ADARB2: variants seen among roughly 807,000 people sequenced by gnomAD.
The protein encoded by ADARB2 is inactive double-stranded RNA-specific editase B2.
Under a neutral mutation model 62.2 loss-of-function variants are expected in ADARB2, and 25 were observed. The ratio of observed to expected loss-of-function variants is 0.40; its 90% CI spans 0.29 to 0.56. The LOEUF (loss-of-function observed/expected upper bound fraction) is 0.56. Among genes scored for constraint, ADARB2 ranks in the 20% least tolerant of loss-of-function variants. The pLI is 0.43. For missense variants in ADARB2, 1,071 were observed against 1,077.4 expected, an observed-to-expected ratio of 0.99 and a Z score of 0.08; for synonymous variants, 572 against 500.8, an observed-to-expected ratio of 1.14 and a Z score of -1.90.
At chr10:1,303,218 C>T (rs1296321403) in intron 3 of ADARB2, among the ~76,000 whole-genome samples, 2 of 151,950 alleles carry the variant, frequency 1.3e-5, no homozygotes, top group Non-Finnish European at 2.9e-5. Context: ...GGCTCGAGAA[C>T]TACGTGAAGA....
At chr10:1,569,948 T>C (rs1832912736) in intron 1 of ADARB2, among the ~76,000 whole-genome samples, 1 of 152,178 alleles carries the variant, frequency 6.6e-6, no homozygotes, top group South Asian at 2.1e-4. Flanking sequence ...ATAATTCACA[T>C]TGTTGGTCAC....
At chr10:1,519,903 T>C (rs897000561) in intron 1 of ADARB2, among the ~76,000 whole-genome samples, 8 of 152,182 alleles carry the variant, frequency 5.3e-5, no homozygotes, top group African/African-American at 1.9e-4. Context: ...ATTCAAATAA[T>C]TGCCATGTAG....
rs138983152 is a variant in ADARB2, at chr10:1,519,562, C to A, written c.101-140402G>T. 1.6e-3 allele frequency among the ~76,000 whole-genome samples: 250 copies of A among 152,310 alleles called. 1 individual carries two copies. The highest frequency in any genetic ancestry group is 4.7e-3 in the African/African-American group (195 of 41,558). On this transcript the variant is annotated intron_variant, in intron 1 of 9. Transcript: ENST00000381312. The stretch of plus-strand genomic sequence containing the variant: ...TGGGCCAGCAGAGAGCCATCATCCC[C>A]GGTGCCCTACTGTGGTTCAGGTGGT...
At chr10:1,538,739 T>A (rs1212965736) in intron 1 of ADARB2, among the ~76,000 whole-genome samples, 7 of 152,062 alleles carry the variant, frequency 4.6e-5, no homozygotes, top group African/African-American at 1.7e-4. Flanking sequence ...CGTCACAACG[T>A]CGGGGCCATG....
chr10:1,266,480 G>A (rs986569711), intron 4 of ADARB2, among the ~76,000 whole-genome samples: 7 of 140,184 alleles, frequency 5.0e-5, no homozygotes, highest in Non-Finnish European at 9.1e-5. Flanking sequence ...GGCCGGCTGG[G>A]ACCCCACCTC....
At chr10:1,350,913 A>T (rs78198898) in intron 3 of ADARB2, among the ~76,000 whole-genome samples, 1 of 152,182 alleles carries the variant, frequency 6.6e-6, no homozygotes, top group Non-Finnish European at 1.5e-5. Context: ...AATTCCTTGC[A>T]TCCACTGTGA....
At chr10:1,283,387 C>T (rs765004890) in intron 3 of ADARB2, among the ~76,000 whole-genome samples, 8 of 152,210 alleles carry the variant, frequency 5.3e-5, no homozygotes, top group South Asian at 2.1e-4. Context: ...AATTAAGGGG[C>T]TGCAATGATC....
At chr10:1,670,467 C>T (rs1834370633) in intron 1 of ADARB2, among the ~76,000 whole-genome samples, 1 of 152,208 alleles carries the variant, frequency 6.6e-6, no homozygotes, top group African/African-American at 2.4e-5. Context: ...TGGCTATTGG[C>T]TTCCCTTGAA....
At chr10:1,322,071 C>T (rs991241060) in intron 3 of ADARB2, among the ~76,000 whole-genome samples, 21 of 151,704 alleles carry the variant, frequency 1.4e-4, no homozygotes, top group Non-Finnish European at 2.9e-4. Flanking sequence ...CAGGAGACAC[C>T]AGTTGGTACC....
At chr10:1,521,797 C>A (rs919936155) in intron 1 of ADARB2, among the ~76,000 whole-genome samples, 1 of 113,712 alleles carries the variant, frequency 8.8e-6, no homozygotes, top group African/African-American at 3.4e-5. Context: ...CTACCCCCAA[C>A]CCCTTCCCTG....
At chr10:1,720,160 G>T (rs1835072211) in intron 1 of ADARB2, among the ~76,000 whole-genome samples, 1 of 152,184 alleles carries the variant, frequency 6.6e-6, no homozygotes, top group South Asian at 2.1e-4. Flanking sequence ...TAAAGAAAAT[G>T]AGGTCCACAT....
intron 3 of ADARB2, among the ~76,000 whole-genome samples, chr10:1,336,840 C>T (rs777392849): frequency 3.3e-5 from 5 of 152,162 alleles, no homozygotes; most frequent in South Asian, 4.2e-4. Context: ...TTTCCATCGT[C>T]GTTGGTGATT....
At chr10:1,420,728 C>T (rs965006822) in intron 1 of ADARB2, among the ~76,000 whole-genome samples, 2 of 152,030 alleles carry the variant, frequency 1.3e-5, no homozygotes. Flanking sequence ...AACACAGGCT[C>T]TGCACCCAGG....
At chr10:1,640,046 C>G (rs1038525557) in intron 1 of ADARB2, among the ~76,000 whole-genome samples, 11 of 152,120 alleles carry the variant, frequency 7.2e-5, no homozygotes, top group Non-Finnish European at 1.2e-4. Context: ...TCCCACAGCC[C>G]GTAAACACTG....
chr10:1,475,431 C>T (rs1362853529), intron 1 of ADARB2, among the ~76,000 whole-genome samples: 1 of 152,194 alleles, frequency 6.6e-6, no homozygotes, highest in African/African-American at 2.4e-5. Context: ...GCACATTACC[C>T]ATCCCGGGCC....
At chr10:1,672,429 C>T (rs536214614) in intron 1 of ADARB2, among the ~76,000 whole-genome samples, 1 of 152,138 alleles carries the variant, frequency 6.6e-6, no homozygotes, top group African/African-American at 2.4e-5. Context: ...AGACATACAC[C>T]CAAGCGGGCA....
chr10:1,681,636 T>G (rs1420169557), intron 1 of ADARB2, among the ~76,000 whole-genome samples: 1 of 152,184 alleles, frequency 6.6e-6, no homozygotes. Context: ...CATGGTCCTG[T>G]GGTTTCTAAG....
chr10:1,547,844 T>C (rs1294930636), intron 1 of ADARB2, among the ~76,000 whole-genome samples: 1 of 151,768 alleles, frequency 6.6e-6, no homozygotes, highest in South Asian at 2.1e-4. Context: ...AGATAGGCAT[T>C]GGTTTGTCAT....
At chr10:1,634,270 G>T (rs1195987425) in intron 1 of ADARB2, among the ~76,000 whole-genome samples, 1 of 152,218 alleles carries the variant, frequency 6.6e-6, no homozygotes, top group East Asian at 1.9e-4. Flanking sequence ...ATGGGCATTT[G>T]TATTTTGCAA....
Sources: gnomAD v4.1 joint callset for allele counts (sites outside exome capture counted in the v4.1 genomes callset) on GRCh38, gnomAD v4.1.1 for gene constraint, MANE v1.5 for transcripts, NCBI Gene and HGNC (gene_info 2026-07-23, HGNC 2026-07-21) for gene names.